The following SCAPER variants were observed in gnomAD, a reference collection of about 807,000 sequenced individuals.
SCAPER encodes the protein S phase cyclin A-associated protein in the endoplasmic reticulum.
In SCAPER, 98 loss-of-function variants were observed where a neutral mutation model predicts 182.2. That is an observed-to-expected ratio of 0.54 (90% CI 0.46 to 0.64). SCAPER has a LOEUF of 0.64. Among genes scored for constraint, SCAPER ranks in the 30% least tolerant of loss-of-function variants. The pLI is 0.00. For synonymous variants in SCAPER, 605 were observed against 564.6 expected (o/e 1.07, Z -1.01); for missense variants, 1,432 against 1,690.0 (o/e 0.85, Z 2.68).
At chr15:76,621,701 G>A (rs1407284327) in intron 22 of SCAPER, 63 bp downstream of exon 22, 5 of 1,274,650 alleles carry the variant, frequency 3.9e-6, no homozygotes, top group East Asian at 2.4e-5. Context: ...CATGATGGTT[G>A]AGATACACTT....
At chr15:76,520,353 G>A (rs2042745450) in intron 23 of SCAPER, among the ~76,000 whole-genome samples, 1 of 152,110 alleles carries the variant, frequency 6.6e-6, no homozygotes, top group South Asian at 2.1e-4. Context: ...GAGTAGCTGG[G>A]ACTACAGGCA....
rs142213119 is a variant in SCAPER, at chr15:76,645,223, T to C, written c.2645+20430A>G. Among the ~76,000 whole-genome samples, 1,148 of 152,248 alleles carry C rather than the reference T, an allele frequency of 7.5e-3. 18 individuals are homozygous for C. Among genetic ancestry groups the C allele is most frequent in the African/African-American group, 0.026 (1,094 of 41,556 alleles). ...CATCAGGGACTTGAACATCCCTGGA[T>C]TTTGGTATCTGCAGGGGGTCCTAGA... is the stretch of plus-strand genomic sequence containing the variant. On this transcript the variant is annotated intron_variant, in intron 21 of 31. Transcript: ENST00000563290.
intron 29 of SCAPER, among the ~76,000 whole-genome samples, chr15:76,372,415 C>T (rs1290740116): frequency 1.3e-5 from 2 of 152,174 alleles, no homozygotes; most frequent in African/African-American, 4.8e-5. Flanking sequence ...GTCTTACATG[C>T]CATCTCCAAA....
intron 16 of SCAPER, among the ~76,000 whole-genome samples, chr15:76,731,222 A>G (rs1459346165): frequency 6.6e-6 from 1 of 152,206 alleles, no homozygotes; most frequent in Non-Finnish European, 1.5e-5. Context: ...ACTAATTCTT[A>G]AGCCTACAGA....
intron 22 of SCAPER, among the ~76,000 whole-genome samples, chr15:76,587,573 C>T (rs1278192693): frequency 6.6e-6 from 1 of 152,096 alleles, no homozygotes; most frequent in African/African-American, 2.4e-5. Context: ...ATTTAATTTC[C>T]ATGTATTTGC....
At chr15:76,493,308 T>A (rs77261700) in intron 24 of SCAPER, among the ~76,000 whole-genome samples, 10,322 of 152,260 alleles carry the variant, frequency 0.068, 392 homozygotes, top group Middle Eastern at 0.1. Context: ...AATTATAATG[T>A]TGCTTCAGAA....
chr15:76,388,056 T>G (rs1429299483), intron 27 of SCAPER, among the ~76,000 whole-genome samples: 1 of 152,186 alleles, frequency 6.6e-6, no homozygotes, highest in Non-Finnish European at 1.5e-5. Flanking sequence ...ATTCTGGAAG[T>G]ACTGTGTCCA....
At chr15:76,750,175 TG>T (rs1223528889) in intron 15 of SCAPER, among the ~76,000 whole-genome samples, 1 of 145,380 alleles carries the variant, frequency 6.9e-6, no homozygotes, top group East Asian at 2.0e-4. Flanking sequence ...CATATCCATA[TG>T]AAAAAAAAAA....
At chr15:76,376,084 G>A in intron 29 of SCAPER, 78 bp downstream of exon 29, 1 of 1,561,528 alleles carries the variant, frequency 6.4e-7, no homozygotes, top group South Asian at 1.2e-5. Flanking sequence ...CAGCCCGCTA[G>A]CCTGCCTTTT....
intron 27 of SCAPER, among the ~76,000 whole-genome samples, chr15:76,385,859 G>C (rs1026014431): frequency 1.3e-5 from 2 of 152,186 alleles, no homozygotes. Context: ...GGGTGTATCA[G>C]TTTCCTATTG....
chr15:76,381,655 A>C, intron 27 of SCAPER, 40 bp from the exon 28 acceptor site: 1 of 1,468,878 alleles, frequency 6.8e-7, no homozygotes, highest in Non-Finnish European at 9.3e-7. Flanking sequence ...AAAACTACTT[A>C]ATGGATGTTA....
chr15:76,485,623 A>G (rs1292581707), intron 24 of SCAPER, among the ~76,000 whole-genome samples: 7 of 152,154 alleles, frequency 4.6e-5, no homozygotes, highest in Non-Finnish European at 1.0e-4. Context: ...CACTCTACTC[A>G]ACTTCAAACT....
intron 29 of SCAPER, among the ~76,000 whole-genome samples, chr15:76,370,715 GA>G (rs895562609): frequency 6.6e-6 from 1 of 152,204 alleles, no homozygotes; most frequent in Non-Finnish European, 1.5e-5. Flanking sequence ...CAAACCTCAA[GA>G]GGGGAAAGAA....
intron 23 of SCAPER, among the ~76,000 whole-genome samples, chr15:76,562,982 T>C (rs1266949433): frequency 6.6e-6 from 1 of 152,178 alleles, no homozygotes; most frequent in African/African-American, 2.4e-5. Flanking sequence ...GACAGTAGGA[T>C]TCCATTTACA....
chr15:76,869,022 C>T (rs554882740), intron 2 of SCAPER, among the ~76,000 whole-genome samples: 1 of 152,194 alleles, frequency 6.6e-6, no homozygotes, highest in Non-Finnish European at 1.5e-5. Flanking sequence ...GGAAAGAACA[C>T]CCTATTCAAT....
rs570905924 is a variant in SCAPER at position 76,536,629 on chromosome 15, G to A, written c.2839-31655C>T. ...ATATCATACTGAATGGGCAAAAACT[G>A]GAAGCATTCCCTTTGAAAACTGGCA... On this transcript the variant is annotated intron_variant, in intron 23 of 31. Transcript: ENST00000563290. Among the ~76,000 whole-genome samples the A allele has an allele frequency of 9.7e-4, 148 of 152,136 alleles. 1 individual carries two copies. The highest frequency in any genetic ancestry group is 3.4e-3 in the African/African-American group (143 of 41,472).
At chr15:76,803,559 T>G (rs941518483) in intron 6 of SCAPER, among the ~76,000 whole-genome samples, 1 of 152,172 alleles carries the variant, frequency 6.6e-6, no homozygotes, top group African/African-American at 2.4e-5. Flanking sequence ...TAAACAACAA[T>G]AAGAAATTTA....
intron 6 of SCAPER, 48 bp from the exon 7 acceptor site, chr15:76,800,412 GA>G: frequency 2.6e-6 from 3 of 1,176,354 alleles, no homozygotes; most frequent in Non-Finnish European, 3.7e-6. Context: ...AGAAAAGGGA[GA>G]AACAAATAAT....
chr15:76,750,738 C>A (rs1475286764), intron 15 of SCAPER, among the ~76,000 whole-genome samples: 1 of 151,664 alleles, frequency 6.6e-6, no homozygotes, highest in African/African-American at 2.4e-5. Context: ...AAACTAGGAA[C>A]AGAACAAACT....
Sources: allele counts gnomAD v4.1 joint callset (sites outside exome capture counted in the v4.1 genomes callset), GRCh38; gene constraint gnomAD v4.1.1; transcripts MANE v1.5; gene names NCBI Gene and HGNC (gene_info 2026-07-23, HGNC 2026-07-21).